DIXDC1: variants seen among roughly 807,000 people sequenced by gnomAD.
DIXDC1 encodes DIX domain containing 1, also known as dixin.
Under a neutral mutation model 103.1 loss-of-function variants are expected in DIXDC1, and 64 were observed. The observed-to-expected ratio is 0.62, with a 90% CI of 0.51 to 0.76. The LOEUF (loss-of-function observed/expected upper bound fraction) is 0.76. DIXDC1 is among the 30% of genes least tolerant of loss of function. The pLI is 0.00. For missense variants in DIXDC1, 759 were observed against 834.2 expected (o/e 0.91, Z 1.11); for synonymous variants, 266 against 298.5 (o/e 0.89, Z 1.12).
rs1261390704 is a variant in DIXDC1 at position 111,996,247 on chromosome 11, C to G, written c.1756+101C>G. 7.9e-6 allele frequency: 8 copies of G among 1,011,290 alleles called. No homozygotes were observed. In the Admixed American group the frequency reaches 2.2e-4, roughly 27 times the overall value. The allele number at this position is 1,011,290 out of a possible 1,614,324, so 62.6% of individuals were successfully genotyped here. On this transcript the variant is annotated intron_variant, in intron 17 of 19. Transcript: ENST00000440460. ...TGGGGATGTAATTTTTCTTGTAGTA[C>G]TTCACTTTTATACTATTTTGTTTCT...
intron 17 of DIXDC1, among the ~76,000 whole-genome samples, chr11:112,013,087 C>T (rs1861473064): frequency 6.6e-6 from 1 of 152,158 alleles, no homozygotes. Flanking sequence ...AGGTTGCCAG[C>T]ATGGCCAGGT....
intron 17 of DIXDC1, among the ~76,000 whole-genome samples, chr11:112,004,052 ATGTATATATATG>A (rs1861154833): frequency 3.5e-5 from 5 of 144,718 alleles, no homozygotes; most frequent in East Asian, 2.0e-4. Context: ...ATATATATGT[ATGTATATATATG>A]TGTATATATA....
intron 2 of DIXDC1, among the ~76,000 whole-genome samples, chr11:111,965,960 G>T (rs1859712826): frequency 6.6e-6 from 1 of 152,148 alleles, no homozygotes; most frequent in Non-Finnish European, 1.5e-5. Flanking sequence ...ATTTGAATAG[G>T]TTATACATGG....
chr11:112,001,104 T>TTAATA (rs1861052144), intron 17 of DIXDC1, among the ~76,000 whole-genome samples: 1 of 152,218 alleles, frequency 6.6e-6, no homozygotes, highest in Admixed American at 6.5e-5. Flanking sequence ...CAGTGGAATA[T>TTAATA]TATTCACCTA....
At chr11:111,936,523 T>A (rs921473293), upstream of DIXDC1, among the ~76,000 whole-genome samples, 2 of 152,214 alleles carry the variant, frequency 1.3e-5, no homozygotes, top group Non-Finnish European at 2.9e-5. Context: ...TTATAAAGAA[T>A]GAAATAGGAA....
chr11:111,966,228 C>T (rs112321278), intron 2 of DIXDC1, among the ~76,000 whole-genome samples: 1,384 of 91,006 alleles, frequency 0.015, 2 homozygotes, highest in Middle Eastern at 0.039. Flanking sequence ...TTTTTTTTTC[C>T]TTTTTTTTTT....
rs782508827 is a variant in DIXDC1, at chr11:111,992,984, C to T, written c.1252C>T (p.Arg418Trp). 20 of 1,607,378 alleles carry T rather than the reference C, an allele frequency of 1.2e-5. No individual in the cohort carries two copies. Among genetic ancestry groups the T allele is most frequent in the East Asian group, 4.5e-5 (2 of 44,808 alleles). ...DLQRKLDERN[R>W]LLGEYKKELG... Reference sequence around the variant, plus strand: ...GCAGAGGAAGCTAGATGAGAGGAACCGGCTCTTGGGAGAATATAAAGTAAG... The same window carrying T: ...GCAGAGGAAGCTAGATGAGAGGAACTGGCTCTTGGGAGAATATAAAGTAAG... The change falls in exon 12 of 20, where the codon CGG (arginine) becomes TGG (tryptophan). Residue 418 changes from arginine to tryptophan, a missense_variant. Arg to Trp is a moderately radical substitution (Grantham distance 101). Around this residue, in one of 3 missense-constraint regions of DIXDC1, gnomAD observed 657 missense variants for 727.5 expected, o/e 0.90. Transcript: ENST00000440460.
At chr11:111,935,719 T>C (rs1966167539), upstream of DIXDC1, among the ~76,000 whole-genome samples, 1 of 152,104 alleles carries the variant, frequency 6.6e-6, no homozygotes, top group African/African-American at 2.4e-5. Context: ...TCAAAGGGAG[T>C]TCTTGGCAGT....
chr11:111,929,585 A>T (rs1965947803), intron 1 of DIXDC1, among the ~76,000 whole-genome samples: 2 of 141,172 alleles, frequency 1.4e-5, no homozygotes, highest in African/African-American at 5.2e-5. Flanking sequence ...CTTATCTCTA[A>T]AAAAAAAAAA....
rs1592642046 is a variant in DIXDC1 at position 112,020,557 on chromosome 11, T to G, written c.*1521T>G. On this transcript the variant is annotated 3_prime_UTR_variant, in exon 20 of 20. Coordinates refer to ENST00000440460, the MANE Select transcript of DIXDC1 (RefSeq NM_001037954.4). ...ACTGGAGTGTGAGTTCTGTATCTTC[T>G]CACATTCTGTATACTGTATCCATTT... 1.3e-5 allele frequency: 2 copies of G among 152,290 alleles called. No homozygotes were observed. The highest frequency in any genetic ancestry group is 3.8e-4 in the East Asian group (2 of 5,208). The allele number at this position is 152,290 out of a possible 1,614,324, so 9.4% of individuals were successfully genotyped here. A position where few individuals can be genotyped will look rare whatever the true frequency, so the allele number is the denominator to read the frequency against.
chr11:111,986,154 T>C (rs1392640157), intron 8 of DIXDC1, among the ~76,000 whole-genome samples: 1 of 152,210 alleles, frequency 6.6e-6, no homozygotes, highest in African/African-American at 2.4e-5. Context: ...CTTCCCCTAA[T>C]TAAGTTTTTG....
At chr11:111,937,127 C>CGGGGGGGGGG (rs200146124), upstream of DIXDC1, 6 of 519,646 alleles carry the variant, frequency 1.2e-5, 1 homozygote, top group African/African-American at 2.3e-4. Flanking sequence ...TGCTGCGGCC[C>CGGGGGGGGGG]GGGCGGGGGG....
rs201971502 is a variant in DIXDC1 at position 112,004,086 on chromosome 11, A to ATG, written c.1756+7944_1756+7945dup. Among the ~76,000 whole-genome samples the ATG allele has an allele frequency of 8.8e-3, 1,269 of 144,300 alleles. 12 individuals carry two copies. Among genetic ancestry groups the ATG allele is most frequent in the African/African-American group, 0.032 (1,165 of 36,766 alleles). 94.7% of individuals were successfully genotyped at this position (144,300 alleles called of 152,430 possible). ...TATGTGTATATATATGTGTGTGTAT[A>ATG]TGTGTATATATATGTGTGTGTATAT... On this transcript the variant is annotated intron_variant, in intron 17 of 19. Transcript: ENST00000440460.
At chr11:111,936,966 C>T (rs1966208626), upstream of DIXDC1, among the ~76,000 whole-genome samples, 1 of 151,008 alleles carries the variant, frequency 6.6e-6, no homozygotes, top group African/African-American at 2.4e-5. Context: ...CATACGCCAG[C>T]CGGGCCGCCT....
chr11:111,990,007 G>A (rs1388973893), intron 10 of DIXDC1, among the ~76,000 whole-genome samples: 4 of 150,464 alleles, frequency 2.7e-5, no homozygotes, highest in African/African-American at 9.8e-5. Context: ...AGCCAGGATG[G>A]TCTCCATCTC....
chr11:111,934,193 A>G (rs970878420), upstream of DIXDC1, among the ~76,000 whole-genome samples: 3 of 152,188 alleles, frequency 2.0e-5, no homozygotes, highest in Non-Finnish European at 2.9e-5. Context: ...TAAAAATCCT[A>G]CTGTTTATGG....
At chr11:111,972,050 G>A (rs1265360619) in intron 3 of DIXDC1, among the ~76,000 whole-genome samples, 5 of 151,976 alleles carry the variant, frequency 3.3e-5, no homozygotes, top group African/African-American at 9.7e-5. Flanking sequence ...GAGTTCAATC[G>A]TACCCTAGAC....
intron 1 of DIXDC1, among the ~76,000 whole-genome samples, chr11:111,963,662 A>G (rs1170272170): frequency 1.3e-5 from 2 of 152,234 alleles, no homozygotes; most frequent in Non-Finnish European, 2.9e-5. Flanking sequence ...ATATTTTGAT[A>G]TTAGTGCCCA....
intron 2 of DIXDC1, among the ~76,000 whole-genome samples, chr11:111,932,048 T>C (rs984406434): frequency 4.1e-5 from 6 of 147,208 alleles, no homozygotes; most frequent in African/African-American, 7.7e-5. Context: ...TTTTTTTTTT[T>C]TGAGACAGAG....
Sources: allele counts gnomAD v4.1 joint callset (sites outside exome capture counted in the v4.1 genomes callset), GRCh38; gene constraint gnomAD v4.1.1; regional missense constraint gnomAD v4.1.1; transcripts MANE v1.5; gene names NCBI Gene and HGNC (gene_info 2026-07-23, HGNC 2026-07-21).